The following MYOF variants were observed in gnomAD, a reference collection of about 807,000 sequenced individuals.
MYOF encodes myoferlin, also known as fer-1-like 3, myoferlin.
In MYOF, 244 loss-of-function variants were observed where a neutral mutation model predicts 284.2. That is an observed-to-expected ratio of 0.86 (90% CI 0.77 to 0.95). The LOEUF (loss-of-function observed/expected upper bound fraction) is 0.95. Ranked by LOEUF, MYOF falls within the 40% of genes least tolerant of loss-of-function variation. The pLI is 0.00. For synonymous variants in MYOF, 904 were observed against 919.7 expected (o/e 0.98, Z 0.31); for missense variants, 2,496 against 2,560.6 (o/e 0.97, Z 0.54).
chr10:93,374,972 A>G lies in MYOF; in HGVS notation c.2109-17T>C. 1.9e-6 allele frequency: 3 copies of G among 1,601,800 alleles called. No homozygotes were observed. The highest frequency in any genetic ancestry group is 2.6e-6 in the Non-Finnish European group (3 of 1,175,482). On this transcript the variant is annotated splice_polypyrimidine_tract_variant and intron_variant, in intron 22 of 53. Coordinates refer to ENST00000359263, the MANE Select transcript of MYOF (RefSeq NM_013451.4). ...AACGTGTATCTAGAAAAATGAAGAA[A>G]AAAAGAAACAGAGGATTTGAAGAAT...
rs568108201 is a variant in MYOF, at chr10:93,337,744, C to T, written c.4437+71G>A. 2.2e-4 allele frequency: 291 copies of T among 1,323,714 alleles called. 3 individuals carry two copies. In the South Asian group the frequency reaches 3.2e-3, roughly 15 times the overall value. 82.0% of individuals were successfully genotyped at this position (1,323,714 alleles called of 1,614,324 possible). A position where few individuals can be genotyped will look rare whatever the true frequency, so the allele number is the denominator to read the frequency against. Reference sequence around the variant, plus strand: ...CCACCCAAGGGACCTTTTAGTCATCCTCTTAGCTCTGCCTGTGGCCAGTTT... The same window carrying T: ...CCACCCAAGGGACCTTTTAGTCATCTTCTTAGCTCTGCCTGTGGCCAGTTT... On this transcript the variant is annotated intron_variant, in intron 40 of 53. Transcript: ENST00000359263.
intron 1 of MYOF, among the ~76,000 whole-genome samples, chr10:93,469,905 T>C (rs2134380501): frequency 6.6e-6 from 1 of 152,308 alleles, no homozygotes; most frequent in South Asian, 2.1e-4. Flanking sequence ...GACTTCTTTC[T>C]TATTTTTATT....
chr10:93,435,965 T>C (rs1034965512), intron 3 of MYOF, among the ~76,000 whole-genome samples: 2 of 151,310 alleles, frequency 1.3e-5, no homozygotes, highest in Non-Finnish European at 2.9e-5. Flanking sequence ...TCCTACTCTC[T>C]AATTTAGAGG....
intron 4 of MYOF, 97 bp downstream of exon 4, chr10:93,431,311 G>A: frequency 1.0e-6 from 1 of 977,338 alleles, no homozygotes; most frequent in Non-Finnish European, 1.6e-6. Flanking sequence ...GGGATTACAG[G>A]TGTGAGCCAC....
At chr10:93,363,468 C>T (rs555169866) in intron 27 of MYOF, among the ~76,000 whole-genome samples, 3 of 152,190 alleles carry the variant, frequency 2.0e-5, no homozygotes, top group South Asian at 2.1e-4. Flanking sequence ...GAGTTCAAGA[C>T]CCGCATGGGC....
At chr10:93,361,117 AG>A (rs1459587113) in intron 28 of MYOF, among the ~76,000 whole-genome samples, 2 of 152,156 alleles carry the variant, frequency 1.3e-5, no homozygotes, top group African/African-American at 4.8e-5. Flanking sequence ...TGTGGGGTAG[AG>A]GGAGGATGGC....
intron 43 of MYOF, among the ~76,000 whole-genome samples, chr10:93,330,958 T>C (rs906732634): frequency 6.6e-6 from 1 of 152,200 alleles, no homozygotes; most frequent in Non-Finnish European, 1.5e-5. Flanking sequence ...GCAAATCATA[T>C]GTGGTCTCTG....
chr10:93,379,751 C>T (rs907909964), intron 21 of MYOF, 112 bp downstream of exon 21: 29 of 1,337,906 alleles, frequency 2.2e-5, no homozygotes, highest in Middle Eastern at 2.2e-4. Flanking sequence ...TTGCTCTTAC[C>T]TTATTGATCA....
At chr10:93,412,556 C>T (rs759394738) in intron 5 of MYOF, among the ~76,000 whole-genome samples, 3 of 152,164 alleles carry the variant, frequency 2.0e-5, no homozygotes, top group East Asian at 3.9e-4. Flanking sequence ...CCCGCTCTCT[C>T]CTACCCGCCA....
intron 46 of MYOF, chr10:93,324,478 G>C (rs1842961333): frequency 6.6e-6 from 1 of 152,202 alleles, no homozygotes; most frequent in Non-Finnish European, 1.5e-5. Context: ...ACAGTCTGTG[G>C]CTAATGCTGG....
chr10:93,421,554 G>A (rs190375627), intron 5 of MYOF, among the ~76,000 whole-genome samples: 1 of 152,170 alleles, frequency 6.6e-6, no homozygotes, highest in Non-Finnish European at 1.5e-5. Flanking sequence ...GAAGGTGTTT[G>A]GGTCATGGGG....
chr10:93,442,999 A>G (rs2056315943), intron 3 of MYOF, among the ~76,000 whole-genome samples: 1 of 152,200 alleles, frequency 6.6e-6, no homozygotes, highest in African/African-American at 2.4e-5. Context: ...TCTCTGGTAA[A>G]AAAAATACAT....
intron 5 of MYOF, among the ~76,000 whole-genome samples, chr10:93,417,904 C>T (rs1215430286): frequency 6.6e-6 from 1 of 152,122 alleles, no homozygotes; most frequent in African/African-American, 2.4e-5. Context: ...CTCAAACAAT[C>T]CTCCCACCTC....
rs1589509763 is a variant in MYOF, at chr10:93,401,680, C to T, written c.991-136G>A. On this transcript the variant is annotated intron_variant, in intron 11 of 53. Transcript: ENST00000359263. ...CTGTGTTTGGGGCTTAAGAGTTCAG[C>T]CTGCCATCAGCCACCAGTTTTCCTT... 10 of 1,155,438 alleles carry T rather than the reference C, an allele frequency of 8.7e-6. No individual in the cohort carries two copies. The South Asian group carries it at 1.4e-4, about 16-fold the overall frequency. 71.6% of individuals were successfully genotyped at this position (1,155,438 alleles called of 1,614,324 possible). A position where few individuals can be genotyped will look rare whatever the true frequency, so the allele number is the denominator to read the frequency against.
chr10:93,401,408 C>T lies in MYOF; in HGVS notation c.1117+10G>A. The T allele has an allele frequency of 6.2e-7, 1 of 1,612,390 alleles. No homozygotes were observed. Among genetic ancestry groups the T allele is most frequent in the Non-Finnish European group, 8.5e-7 (1 of 1,179,574 alleles). ...CAACAATTCTGGGGCAAGATTAAAT[C>T]AGTACATACTCTGGGGGATGTCCTC... On this transcript the variant is annotated intron_variant, in intron 12 of 53. Transcript: ENST00000359263.
In MYOF at chr10:93,374,881, C is replaced by G; in HGVS notation, c.2183G>C (p.Arg728Thr). The change falls in exon 23 of 54, where the codon AGG becomes ACG. Residue 728 changes from arginine (R) to threonine (T), a missense_variant. Coordinates refer to ENST00000359263, the MANE Select transcript of MYOF (RefSeq NM_013451.4). ...CGCCTCATGTATTTGGGAGAGAGACCTGGACCGCAGCTTTCGGATCTGAGT... is the reference window on the plus strand; with the variant it reads ...CGCCTCATGTATTTGGGAGAGAGACGTGGACCGCAGCTTTCGGATCTGAGT... Reference protein sequence around the residue: ...LDTQIRKLRSRSLSQIHEAAV... With the variant: ...LDTQIRKLRSTSLSQIHEAAV... The G allele has an allele frequency of 6.2e-7, 1 of 1,614,168 alleles. No individual in the cohort carries two copies. Among genetic ancestry groups the G allele is most frequent in the Non-Finnish European group, 8.5e-7 (1 of 1,180,024 alleles).
rs142899586 is a variant in MYOF, at chr10:93,336,865, A to AAAGAAAGGAAGGAAAGAG, written c.4438-837_4438-820dup. 6.1e-3 allele frequency among the ~76,000 whole-genome samples: 885 copies of AAAGAAAGGAAGGAAAGAG among 144,012 alleles called. 11 individuals are homozygous for AAAGAAAGGAAGGAAAGAG. Among genetic ancestry groups the AAAGAAAGGAAGGAAAGAG allele is most frequent in the African/African-American group, 0.021 (831 of 38,952 alleles). 94.5% of individuals were successfully genotyped at this position (144,012 alleles called of 152,430 possible). On this transcript the variant is annotated intron_variant, in intron 40 of 53. Transcript: ENST00000359263. ...GGAAGAAAAGAAGGAAGGAAGAAGGAAAGAAAGGAAGGAAAGAGAAGAAAG... is the reference window on the plus strand; with the variant it reads ...GGAAGAAAAGAAGGAAGGAAGAAGGAAAGAAAGGAAGGAAAGAGAAGAAAGGAAGGAAAGAGAAGAAAG...
chr10:93,344,069 A>G (rs1387356789), intron 37 of MYOF, 137 bp from the exon 38 acceptor site: 4 of 806,358 alleles, frequency 5.0e-6, no homozygotes, highest in African/African-American at 1.7e-5. Flanking sequence ...AATAGAGAGG[A>G]CAACTCCTGA....
In MYOF at chr10:93,404,020, C is replaced by G. The variant is rs767261551; in HGVS notation, c.843+3G>C. The G allele has an allele frequency of 1.2e-6, 2 of 1,613,754 alleles. No individual in the cohort carries two copies. The highest frequency in any genetic ancestry group is 1.3e-5 in the African/African-American group (1 of 75,010). ...TTGAATGAAGCAGACTGTTGTCACTCACCTTAAATTCCCCCATCAGACAAT... is the reference window on the plus strand; with the variant it reads ...TTGAATGAAGCAGACTGTTGTCACTGACCTTAAATTCCCCCATCAGACAAT... On this transcript the variant is annotated splice_donor_region_variant and intron_variant, in intron 9 of 53. Coordinates refer to ENST00000359263, the MANE Select transcript of MYOF (RefSeq NM_013451.4).
Sources: gnomAD v4.1 joint callset for allele counts (sites outside exome capture counted in the v4.1 genomes callset) on GRCh38, gnomAD v4.1.1 for gene constraint, MANE v1.5 for transcripts, NCBI Gene and HGNC (gene_info 2026-07-23, HGNC 2026-07-21) for gene names.